LRRC43: variants seen among roughly 807,000 people sequenced by gnomAD.
The protein encoded by LRRC43 is leucine rich repeat containing 43, also known as leucine-rich repeat-containing protein 43.
A neutral mutation model predicts 64.3 loss-of-function variants in LRRC43; 62 were observed. The ratio of observed to expected loss-of-function variants is 0.96; its 90% confidence interval spans 0.79 to 1.19. The LOEUF is 1.19. Ranked by LOEUF, LRRC43 falls within the 50% of genes most tolerant of loss-of-function variation. The probability of loss-of-function intolerance (pLI) is 0.00; values close to 1 mark genes in which losing one functional copy is unlikely to be tolerated. For missense variants in LRRC43, 868 were observed against 845.0 expected, an observed-to-expected ratio of 1.03 and a Z score of -0.34; for synonymous variants, 422 against 382.3, an observed-to-expected ratio of 1.10 and a Z score of -1.21.
At chr12:122,186,811 T>C (rs1325733765) in intron 3 of LRRC43, among the ~76,000 whole-genome samples, 7 of 152,044 alleles carry the variant, frequency 4.6e-5, no homozygotes, top group Admixed American at 6.5e-5. Context: ...CCCAGCTGCT[T>C]GGGAGGCTGA....
At position 122,203,311 on chromosome 12, in the gene LRRC43, T is replaced by C. The variant is rs779402393; in HGVS notation, c.1844-4T>C. ...GGCTCATGCTCGCACTTAAATTTTC[T>C]CAGAAAAGCCGAAAGCCGTGATTCC... On this transcript the variant is annotated splice_polypyrimidine_tract_variant and splice_region_variant and intron_variant, in intron 11 of 11. Transcript: ENST00000339777. 4 of 1,610,816 alleles carry C rather than the reference T, an allele frequency of 2.5e-6. No homozygotes were observed. The South Asian group carries it at 3.3e-5, about 13-fold the overall frequency.
intron 7 of LRRC43, among the ~76,000 whole-genome samples, chr12:122,193,861 G>A (rs1439626552): frequency 6.6e-6 from 1 of 152,182 alleles, no homozygotes; most frequent in African/African-American, 2.4e-5. Context: ...CGCCCAGCCT[G>A]AATTTCTTGA....
chr12:122,183,108 C>A (rs1398567356), upstream of LRRC43: 5 of 1,519,978 alleles, frequency 3.3e-6, no homozygotes, highest in East Asian at 1.0e-4. Context: ...CCCCCGCGCA[C>A]GCGTCCTAGC....
chr12:122,190,505 C>CCTG, intron 5 of LRRC43, 137 bp downstream of exon 5: 1 of 666,282 alleles, frequency 1.5e-6, no homozygotes, highest in African/African-American at 1.8e-5. Context: ...CAGGTATAGC[C>CCTG]TCTCTTCTGG....
At chr12:122,190,679 A>G (rs575950795) in intron 5 of LRRC43, among the ~76,000 whole-genome samples, 1 of 152,304 alleles carries the variant, frequency 6.6e-6, no homozygotes, top group South Asian at 2.1e-4. Context: ...CCTGGCCAAC[A>G]TGGTGAAACC....
chr12:122,187,403 C>T (rs1433769748), intron 3 of LRRC43: 1 of 275,582 alleles, frequency 3.6e-6, no homozygotes, highest in Admixed American at 5.0e-5. Flanking sequence ...CCCAGAGACG[C>T]ATTCCTATGG....
In LRRC43 at chr12:122,187,848, G is replaced by GCCCAGATGGAAACT. The variant is rs753149618; in HGVS notation, c.662+8_662+9insCCCAGATGGAAACT. 99 of 1,613,544 alleles carry GCCCAGATGGAAACT rather than the reference G, an allele frequency of 6.1e-5. No individual in the cohort carries two copies. In the African/African-American group the frequency reaches 1.3e-3, roughly 20 times the overall value. ...CGTCACCGCTAATCACTGGTAACTCGGGAGCCCAGATGGAAAGTGAGAGGG... is the reference window on the plus strand; with the variant it reads ...CGTCACCGCTAATCACTGGTAACTCGCCCAGATGGAAACTGGAGCCCAGATGGAAAGTGAGAGGG... On this transcript the variant is annotated intron_variant, in intron 4 of 11. Transcript: ENST00000339777.
intron 7 of LRRC43, among the ~76,000 whole-genome samples, chr12:122,193,208 G>T (rs1043751924): frequency 6.6e-6 from 1 of 151,662 alleles, no homozygotes; most frequent in East Asian, 2.0e-4. Context: ...GTGAAACCCC[G>T]TCTCTACTAA....
chr12:122,174,290 C>T, intron 1 of LRRC43: 1 of 1,204,446 alleles, frequency 8.3e-7, no homozygotes, highest in Non-Finnish European at 1.2e-6. Flanking sequence ...AGCGTCCCGC[C>T]CATGGCAAAA....
rs767637298 is a variant in LRRC43 at position 122,190,302 on chromosome 12, G to A, written c.835G>A (p.Val279Met). 36 of 1,614,028 alleles carry A rather than the reference G, an allele frequency of 2.2e-5. No homozygotes were observed. Among genetic ancestry groups the A allele is most frequent in the South Asian group, 5.5e-5 (5 of 91,078 alleles). The change falls in exon 5 of 12, where the codon GTG becomes ATG. Residue 279 changes from valine to methionine, a missense_variant. Transcript: ENST00000339777. ...CATCGACAGCCTGGCCCAGCTCTGC[G>A]TGCTGGACGACATCACCGTGTCTCC... is the stretch of plus-strand genomic sequence containing the variant. ...LTIDSLAQLC[V>M]LDDITVSPNE...
In LRRC43 at chr12:122,184,896, A is replaced by G. The variant is rs1055534263; in HGVS notation, c.411+117A>G. 5.0e-5 allele frequency: 57 copies of G among 1,149,924 alleles called. No individual in the cohort carries two copies. Among genetic ancestry groups the G allele is most frequent in the East Asian group, 5.2e-5 (2 of 38,716 alleles). 71.2% of individuals were successfully genotyped at this position (1,149,924 alleles called of 1,614,324 possible). On this transcript the variant is annotated intron_variant, in intron 2 of 11. Transcript: ENST00000339777. The surrounding 1 kb of genome is among the most constrained non-coding windows in gnomAD (Gnocchi z 4.0). ...GATCCTGCTTTCAGGGCTGAAACGA[A>G]GGCCAGCCTGCCCTCCATCTGCTTC...
chr12:122,188,316 C>T lies in LRRC43; in HGVS notation c.662+476C>T, dbSNP rs567945145. Among the ~76,000 whole-genome samples the T allele has an allele frequency of 4.6e-4, 70 of 152,156 alleles. 1 individual carries two copies. The South Asian group carries it at 0.014, about 30-fold the overall frequency. On this transcript the variant is annotated intron_variant, in intron 4 of 11. Transcript: ENST00000339777. ...TAGAGACGGGGTTTCACTGTGTTAGCCAGGATGGTCTCCATCTCCTGACCT... is the reference window on the plus strand; with the variant it reads ...TAGAGACGGGGTTTCACTGTGTTAGTCAGGATGGTCTCCATCTCCTGACCT...
chr12:122,201,592 G>C (rs1343606613), intron 11 of LRRC43, among the ~76,000 whole-genome samples: 4 of 152,238 alleles, frequency 2.6e-5, no homozygotes, highest in African/African-American at 4.8e-5. Flanking sequence ...GGGGCTGCCT[G>C]GGGCTCATCT....
chr12:122,182,606 T>C (rs963226793), upstream of LRRC43, among the ~76,000 whole-genome samples: 1 of 143,238 alleles, frequency 7.0e-6, no homozygotes, highest in Non-Finnish European at 1.5e-5. Context: ...GGCAGGAGAA[T>C]CGCTTGAACC....
chr12:122,193,544 C>T (rs1344950296), intron 7 of LRRC43, among the ~76,000 whole-genome samples: 2 of 152,132 alleles, frequency 1.3e-5, no homozygotes, highest in African/African-American at 4.8e-5. Context: ...ACTTCCCTGA[C>T]CAGCCAAGAT....
Position 122,203,440 on chromosome 12 carries a change from TAGGGCGTGGGCAGTAAAGGCTGTTCCC to T in LRRC43, c.*1_*27del. On this transcript the variant is annotated stop_retained_variant and 3_prime_UTR_variant, in exon 12 of 12. Coordinates refer to ENST00000339777, the MANE Select transcript of LRRC43 (RefSeq NM_001098519.2). ...GGAGGCTCTGCGCATGTTCGCCGTG[TAGGGCGTGGGCAGTAAAGGCTGTTCCC>T]AGCACTCCCGCCTCCGCTTCTGTCC... 7 of 1,610,460 alleles carry T rather than the reference TAGGGCGTGGGCAGTAAAGGCTGTTCCC, an allele frequency of 4.3e-6. No individual in the cohort carries two copies. The highest frequency in any genetic ancestry group is 5.9e-6 in the Non-Finnish European group (7 of 1,179,636).
chr12:122,202,359 A>G (rs992090595), intron 11 of LRRC43: 28 of 152,228 alleles, frequency 1.8e-4, no homozygotes, highest in Admixed American at 5.9e-4. Context: ...AAGAGGGAGT[A>G]TTTTAATAGA....
chr12:122,196,871 G>A (rs1953777786), intron 7 of LRRC43, among the ~76,000 whole-genome samples: 1 of 152,142 alleles, frequency 6.6e-6, no homozygotes, highest in Admixed American at 6.5e-5. Flanking sequence ...GGAAGTACAG[G>A]ACAAATCTCT....
chr12:122,186,897 C>T (rs1326071718), intron 3 of LRRC43, among the ~76,000 whole-genome samples: 2 of 151,684 alleles, frequency 1.3e-5, no homozygotes, highest in African/African-American at 4.9e-5. Flanking sequence ...CCAGTCTGGG[C>T]GACAGAGTGA....
Sources: allele counts gnomAD v4.1 joint callset (sites outside exome capture counted in the v4.1 genomes callset), GRCh38; gene constraint gnomAD v4.1.1; non-coding constraint Gnocchi (gnomAD v3.1); transcripts MANE v1.5; gene names NCBI Gene and HGNC (gene_info 2026-07-23, HGNC 2026-07-21).